The following AKR1C8 variants were observed in gnomAD, a reference collection of about 807,000 sequenced individuals.
AKR1C8 encodes aldo-keto reductase family 1 member C-like protein 1.
At chr10:5,164,605 T>C in the AKR1C8 span, among the ~76,000 whole-genome samples, 4 of 152,048 alleles carry the variant, frequency 2.6e-5, no homozygotes, top group East Asian at 3.9e-4. Context: ...CCCCTGTCAG[T>C]GAATAGGGCA....
chr10:5,121,763 T>C, the AKR1C8 span, among the ~76,000 whole-genome samples: 7 of 152,280 alleles, frequency 4.6e-5, no homozygotes, highest in East Asian at 7.7e-4. Flanking sequence ...TTTCTTTTTT[T>C]AGCATAAATT....
chr10:5,180,940 G>A, the AKR1C8 span, among the ~76,000 whole-genome samples: 58 of 152,284 alleles, frequency 3.8e-4, no homozygotes, highest in East Asian at 0.01. Flanking sequence ...TGCACTTCCC[G>A]AGTGAGGCAA....
chr10:5,117,554 G>A, the AKR1C8 span, among the ~76,000 whole-genome samples: 11 of 152,152 alleles, frequency 7.2e-5, no homozygotes, highest in Non-Finnish European at 1.6e-4. Context: ...AGAGAAATTA[G>A]AAACTGTCTT....
At chr10:5,136,302 C>G in the AKR1C8 span, among the ~76,000 whole-genome samples, 1 of 152,124 alleles carries the variant, frequency 6.6e-6, no homozygotes, top group Non-Finnish European at 1.5e-5. Context: ...AATCCCAGCA[C>G]TTTGGGAGGC....
At chr10:5,179,194 G>A in the AKR1C8 span, among the ~76,000 whole-genome samples, 2 of 152,040 alleles carry the variant, frequency 1.3e-5, no homozygotes. Flanking sequence ...AAATCTCTCA[G>A]CATTTGCTTG....
chr10:5,148,254 G>T, the AKR1C8 span, among the ~76,000 whole-genome samples: 1 of 151,392 alleles, frequency 6.6e-6, no homozygotes, highest in South Asian at 2.1e-4. Flanking sequence ...AGAGGAGGAG[G>T]GGAGAAGCAG....
At chr10:5,173,055 T>G in the AKR1C8 span, among the ~76,000 whole-genome samples, 31 of 152,110 alleles carry the variant, frequency 2.0e-4, 2 homozygotes, top group Non-Finnish European at 5.9e-5. Flanking sequence ...AGGGGCTCCA[T>G]AAGGAAAAGA....
At chr10:5,156,842 G>A in the AKR1C8 span, among the ~76,000 whole-genome samples, 1 of 152,022 alleles carries the variant, frequency 6.6e-6, no homozygotes, top group Non-Finnish European at 1.5e-5. Flanking sequence ...GTCATCTCTT[G>A]TAAATATTAA....
At chr10:5,132,839 A>G in the AKR1C8 span, 2 of 634,382 alleles carry the variant, frequency 3.2e-6, no homozygotes, top group South Asian at 2.3e-5. Flanking sequence ...ACAAACAATG[A>G]CCCTCACAAA....
At chr10:5,131,009 G>T in the AKR1C8 span, among the ~76,000 whole-genome samples, 28 of 152,026 alleles carry the variant, frequency 1.8e-4, no homozygotes, top group South Asian at 5.6e-3. Flanking sequence ...TTAGATAAAT[G>T]AAACAAAATA....
chr10:5,160,690 C>A, the AKR1C8 span: 1 of 391,862 alleles, frequency 2.6e-6, no homozygotes, highest in Non-Finnish European at 5.1e-6. Context: ...CACAGAGGCA[C>A]AGAGAAGCTC....
chr10:5,151,977 G>A, the AKR1C8 span, among the ~76,000 whole-genome samples: 1 of 152,130 alleles, frequency 6.6e-6, no homozygotes, highest in Non-Finnish European at 1.5e-5. Flanking sequence ...TTGACCTCAA[G>A]TTGAGGTCTG....
the AKR1C8 span, among the ~76,000 whole-genome samples, chr10:5,169,946 G>A: frequency 3.2e-4 from 48 of 151,974 alleles, no homozygotes; most frequent in Admixed American, 2.4e-3. Flanking sequence ...GGACATTTTT[G>A]GGCTGTCAGG....
chr10:5,117,603 G>A, the AKR1C8 span, among the ~76,000 whole-genome samples: 14 of 152,218 alleles, frequency 9.2e-5, no homozygotes, highest in African/African-American at 3.4e-4. Context: ...CTGAAGCTGA[G>A]AATTTATAAA....
chr10:5,121,334 C>T, the AKR1C8 span, among the ~76,000 whole-genome samples: 1 of 151,992 alleles, frequency 6.6e-6, no homozygotes, highest in African/African-American at 2.4e-5. Context: ...AGAGTCTTGC[C>T]CTGAGGATCC....
chr10:5,173,648 T>TA, the AKR1C8 span, among the ~76,000 whole-genome samples: 663 of 149,114 alleles, frequency 4.4e-3, 5 homozygotes, highest in African/African-American at 0.013. Context: ...ACAAAACGAT[T>TA]AAAAAAAAAA....
chr10:5,132,730 T>C, the AKR1C8 span: 64 of 1,543,190 alleles, frequency 4.1e-5, 1 homozygote, highest in South Asian at 6.3e-4. Context: ...CCAGCTTCTA[T>C]TGCTAATTTT....
the AKR1C8 span, among the ~76,000 whole-genome samples, chr10:5,164,920 T>A: frequency 6.6e-6 from 1 of 152,204 alleles, no homozygotes; most frequent in East Asian, 1.9e-4. Flanking sequence ...ATGGCTATCA[T>A]GTCTTCTGTT....
the AKR1C8 span, among the ~76,000 whole-genome samples, chr10:5,158,865 C>G: frequency 1.3e-5 from 2 of 152,228 alleles, no homozygotes; most frequent in Admixed American, 6.5e-5. Flanking sequence ...GAAGCACTTT[C>G]AAATCCCATC....
Sources: gnomAD v4.1 joint callset for allele counts (sites outside exome capture counted in the v4.1 genomes callset) on GRCh38, gnomAD v4.1.1 for gene constraint, MANE v1.5 for transcripts, NCBI Gene and HGNC (gene_info 2026-07-23, HGNC 2026-07-21) for gene names.